Variants in GALNTL5 observed in about 807,000 individuals in gnomAD.
GALNTL5 encodes the protein polypeptide N-acetylgalactosaminyltransferase like 5.
GALNTL5 carries 44 observed loss-of-function variants against 51.0 expected under a neutral mutation model. The observed-to-expected ratio is 0.86, with a 90% confidence interval of 0.68 to 1.11. The LOEUF is 1.11. Among genes scored for constraint, GALNTL5 ranks in the 50% least tolerant of loss-of-function variants. The pLI, the probability that GALNTL5 is intolerant of heterozygous loss-of-function variation, is 0.00. For missense variants in GALNTL5, 528 were observed against 531.8 expected, an observed-to-expected ratio of 0.99 and a Z score of 0.07; for synonymous variants, 192 against 182.8, an observed-to-expected ratio of 1.05 and a Z score of -0.41.
rs375280886 is a variant in GALNTL5 at position 151,997,715 on chromosome 7, G to A, written c.659-4999G>A. 2.6e-4 allele frequency among the ~76,000 whole-genome samples: 40 copies of A among 151,928 alleles called. 1 individual carries two copies. The highest frequency in any genetic ancestry group is 9.7e-4 in the African/African-American group (40 of 41,432). Reference sequence around the variant, plus strand: ...AATATTTAAATCTTTCAATATTAAGGGTACAAGTGTACACTGTATACAGTA... The same window carrying A: ...AATATTTAAATCTTTCAATATTAAGAGTACAAGTGTACACTGTATACAGTA... On this transcript the variant is annotated intron_variant, in intron 5 of 8. Transcript: ENST00000392800.
At position 152,019,803 on chromosome 7, in the gene GALNTL5, A is replaced by T. The variant is rs1323039955; in HGVS notation, c.*2A>T. 2.2e-5 allele frequency: 35 copies of T among 1,603,416 alleles called. No individual in the cohort carries two copies. The highest frequency in any genetic ancestry group is 3.0e-5 in the Non-Finnish European group (35 of 1,173,542). On this transcript the variant is annotated 3_prime_UTR_variant, in exon 9 of 9. Transcript: ENST00000392800. ...GAGGCATCTGTGAACAGCCTGTGAA[A>T]GGAAAACAAATCACTTTCATTAATA... is the stretch of plus-strand genomic sequence containing the variant.
chr7:151,985,380 C>T (rs1043952700), intron 4 of GALNTL5, among the ~76,000 whole-genome samples: 6 of 152,196 alleles, frequency 3.9e-5, no homozygotes, highest in African/African-American at 1.4e-4. Flanking sequence ...TTGACCCACA[C>T]AGAGCCTTAA....
At chr7:151,972,092 T>C (rs938764135) in intron 3 of GALNTL5, among the ~76,000 whole-genome samples, 6 of 151,760 alleles carry the variant, frequency 4.0e-5, no homozygotes, top group African/African-American at 9.7e-5. Context: ...CAGGCAGAGG[T>C]TGGAATAGTT....
In GALNTL5 at chr7:151,983,125, A is replaced by G; in HGVS notation, c.508A>G (p.Ile170Val). The G allele has an allele frequency of 6.2e-7, 1 of 1,614,060 alleles. No homozygotes were observed. The highest frequency in any genetic ancestry group is 8.5e-7 in the Non-Finnish European group (1 of 1,179,954). ...LTPHYFLEEI[I>V]LVDDMSKVDD... ...GCCACACTATTTTCTTGAAGAAATT[A>G]TTTTGGTAGATGACATGAGCAAAGT... The change falls in exon 4 of 9, where the codon ATT (isoleucine) becomes GTT (valine). Residue 170 changes from isoleucine to valine, a missense_variant. Transcript: ENST00000392800.
intron 2 of GALNTL5, among the ~76,000 whole-genome samples, chr7:151,969,555 C>A (rs1313042302): frequency 6.6e-6 from 1 of 151,938 alleles, no homozygotes; most frequent in Non-Finnish European, 1.5e-5. Context: ...GTGCGCAGAT[C>A]CCTCCCCGGT....
intron 5 of GALNTL5, among the ~76,000 whole-genome samples, chr7:151,993,072 C>A (rs1246262509): frequency 1.3e-5 from 2 of 152,094 alleles, no homozygotes; most frequent in South Asian, 2.1e-4. Context: ...CCCCCATCTC[C>A]ACTAAAAATA....
chr7:151,997,802 G>A (rs2081519075), intron 5 of GALNTL5, among the ~76,000 whole-genome samples: 1 of 152,138 alleles, frequency 6.6e-6, no homozygotes. Flanking sequence ...TGCAGTTGTT[G>A]TTTAATGCCA....
chr7:151,957,271 T>C (rs140872746), intron 1 of GALNTL5, among the ~76,000 whole-genome samples: 2,862 of 151,584 alleles, frequency 0.019, 97 homozygotes, highest in African/African-American at 0.064. Context: ...TGGCCAGGCA[T>C]GGTAGCTCAT....
At chr7:151,978,214 A>G (rs1163249314) in intron 3 of GALNTL5, among the ~76,000 whole-genome samples, 6 of 152,192 alleles carry the variant, frequency 3.9e-5, no homozygotes, top group Non-Finnish European at 8.8e-5. Flanking sequence ...ATAGGCTTTC[A>G]TTTTTAATTT....
At chr7:151,993,602 A>G (rs1447986866) in intron 5 of GALNTL5, among the ~76,000 whole-genome samples, 1 of 152,134 alleles carries the variant, frequency 6.6e-6, no homozygotes, top group Admixed American at 6.5e-5. Flanking sequence ...TCAGTTTTTC[A>G]CAATGTCTAT....
intron 5 of GALNTL5, among the ~76,000 whole-genome samples, chr7:151,991,380 T>C (rs2081427428): frequency 6.6e-6 from 1 of 152,190 alleles, no homozygotes; most frequent in Non-Finnish European, 1.5e-5. Flanking sequence ...CGTGAGCCAC[T>C]GCGCACGGCC....
chr7:151,976,242 G>A lies in GALNTL5; in HGVS notation c.368+5177G>A, dbSNP rs1053782330. Reference sequence around the variant, plus strand: ...ATTAATATTTGCTTTATATATTTAGGTTCTCTGACGTTGGGTGCAGATATA... The same window carrying A: ...ATTAATATTTGCTTTATATATTTAGATTCTCTGACGTTGGGTGCAGATATA... On this transcript the variant is annotated intron_variant, in intron 3 of 8. Transcript: ENST00000392800. Among the ~76,000 whole-genome samples the A allele has an allele frequency of 8.5e-5, 13 of 152,138 alleles. 1 individual carries two copies. The highest frequency in any genetic ancestry group is 7.7e-4 in the East Asian group (4 of 5,176).
At chr7:152,015,080 T>C (rs948762108) in intron 8 of GALNTL5, among the ~76,000 whole-genome samples, 1 of 152,154 alleles carries the variant, frequency 6.6e-6, no homozygotes, top group African/African-American at 2.4e-5. Flanking sequence ...TAGTTATTGA[T>C]AGTTGTTCTT....
At chr7:151,972,027 G>A (rs1441987800) in intron 3 of GALNTL5, among the ~76,000 whole-genome samples, 1 of 152,148 alleles carries the variant, frequency 6.6e-6, no homozygotes, top group African/African-American at 2.4e-5. Flanking sequence ...TACCAGGAGT[G>A]GGGCACTGCT....
At chr7:151,959,054 C>T (rs1586798146) in intron 1 of GALNTL5, among the ~76,000 whole-genome samples, 1 of 152,164 alleles carries the variant, frequency 6.6e-6, no homozygotes, top group African/African-American at 2.4e-5. Context: ...AGTTCTCACT[C>T]CGGTCGTGGA....
intron 6 of GALNTL5, among the ~76,000 whole-genome samples, chr7:152,004,570 G>GGA (rs1351603911): frequency 6.6e-6 from 1 of 151,970 alleles, no homozygotes; most frequent in Non-Finnish European, 1.5e-5. Flanking sequence ...AATGTACACC[G>GGA]GACCCATTAA....
chr7:152,006,684 G>C (rs2081647978), intron 6 of GALNTL5, among the ~76,000 whole-genome samples: 1 of 152,144 alleles, frequency 6.6e-6, no homozygotes, highest in African/African-American at 2.4e-5. Context: ...CTTGGTTTGT[G>C]TGTTGAGTGA....
chr7:151,967,312 G>A lies in GALNTL5; in HGVS notation c.66G>A (p.Leu22=). Residue 22 remains leucine, a synonymous_variant, in exon 2 of 9, where the codon CTG becomes CTA. Coordinates refer to ENST00000392800, the MANE Select transcript of GALNTL5 (RefSeq NM_145292.4). ...GSLTFGIWTA[L]LFIYLHHNHV... is the part of the protein sequence containing the mutation. ...TGACATTTGGGATCTGGACAGCTCTGTTATTCATATATTTGCACCATAATC... is the reference window on the plus strand; with the variant it reads ...TGACATTTGGGATCTGGACAGCTCTATTATTCATATATTTGCACCATAATC... 6.2e-7 allele frequency: 1 copy of A among 1,614,098 alleles called. No individual in the cohort carries two copies. Among genetic ancestry groups the A allele is most frequent in the South Asian group, 1.1e-5 (1 of 91,082 alleles).
intron 5 of GALNTL5, among the ~76,000 whole-genome samples, chr7:151,996,841 G>A (rs1024585023): frequency 6.6e-6 from 1 of 151,764 alleles, no homozygotes; most frequent in Admixed American, 6.6e-5. Flanking sequence ...ATGCTTGGTT[G>A]TAGAGACCAA....
Sources: allele counts gnomAD v4.1 joint callset (sites outside exome capture counted in the v4.1 genomes callset), GRCh38; gene constraint gnomAD v4.1.1; transcripts MANE v1.5; gene names NCBI Gene and HGNC (gene_info 2026-07-23, HGNC 2026-07-21).